Variants in PRUNE1 observed in about 807,000 individuals in gnomAD.
PRUNE1 encodes exopolyphosphatase PRUNE1.
PRUNE1 carries 25 observed loss-of-function variants against 42.5 expected under a neutral mutation model. That is an observed-to-expected ratio of 0.59 (90% CI 0.43 to 0.82). The LOEUF is 0.82. Ranked by LOEUF, PRUNE1 falls within the 40% of genes least tolerant of loss-of-function variation. The pLI, the probability that PRUNE1 is intolerant of heterozygous loss-of-function variation, is 0.00. For missense variants in PRUNE1, 443 were observed against 539.3 expected (o/e 0.82, Z 1.77); for synonymous variants, 203 against 217.1 (o/e 0.93, Z 0.57).
In PRUNE1 at chr1:151,033,818, C is replaced by G. The variant is rs771734072; in HGVS notation, c.946C>G (p.Leu316Val). Residue 316 changes from leucine to valine, a missense_variant, in exon 8 of 8, where the codon CTG becomes GTG. Leu to Val is a conservative substitution (Grantham distance 32, BLOSUM62 1). Coordinates refer to ENST00000271620, the MANE Select transcript of PRUNE1 (RefSeq NM_021222.3). The part of the protein sequence containing the change: ...VALQTTICEV[L>V]ERSHSPPLKL... ...GTCTCCTCTTTAGATCTGTGAAGTC[C>G]TGGAACGCTCCCACTCTCCACCCCT... 12 of 1,613,558 alleles carry G rather than the reference C, an allele frequency of 7.4e-6. No individual in the cohort carries two copies. The East Asian group carries it at 2.7e-4, about 36-fold the overall frequency.
intron 3 of PRUNE1, among the ~76,000 whole-genome samples, chr1:151,023,455 C>T (rs1674604034): frequency 6.6e-6 from 1 of 152,182 alleles, no homozygotes; most frequent in Non-Finnish European, 1.5e-5. Context: ...CGCGGTGGCT[C>T]ATGCCTGTAA....
rs148537694 is a variant in PRUNE1 at position 151,011,088 on chromosome 1, G to A, written c.39+2417G>A. 3.7e-4 allele frequency among the ~76,000 whole-genome samples: 57 copies of A among 152,216 alleles called. No homozygotes were observed. The East Asian group carries it at 0.011, about 28-fold the overall frequency. ...TCCATCCAGTTCTCCAGAGGACACC[G>A]TTAAGTTTCTTGTGTAAAGAGAGAG... On this transcript the variant is annotated intron_variant, in intron 1 of 7. Coordinates refer to ENST00000271620, the MANE Select transcript of PRUNE1 (RefSeq NM_021222.3).
In PRUNE1 at chr1:151,035,510, C is replaced by G. The variant is rs1675506635; in HGVS notation, c.*1276C>G. The G allele has an allele frequency of 6.6e-6, 1 of 152,504 alleles. No homozygotes were observed. The highest frequency in any genetic ancestry group is 2.1e-4 in the South Asian group (1 of 4,826). 9.4% of individuals were successfully genotyped at this position (152,504 alleles called of 1,614,324 possible). On this transcript the variant is annotated 3_prime_UTR_variant, in exon 8 of 8. Transcript: ENST00000271620. Reference sequence around the variant, plus strand: ...GTTCCATGTAAGTTGCCAACAGTTTCACTGAACAGTGGGGTATGTGATGGT... The same window carrying G: ...GTTCCATGTAAGTTGCCAACAGTTTGACTGAACAGTGGGGTATGTGATGGT...
intron 1 of PRUNE1, among the ~76,000 whole-genome samples, chr1:151,014,046 C>T (rs80279490): frequency 0.019 from 2,950 of 151,620 alleles, 75 homozygotes; most frequent in South Asian, 0.1. Context: ...GTGGCACGAT[C>T]TTGGCTCACT....
Position 151,008,561 on chromosome 1 carries a change from G to A in PRUNE1, c.-72G>A. 6.3e-7 allele frequency: 1 copy of A among 1,581,024 alleles called. No individual in the cohort carries two copies. The highest frequency in any genetic ancestry group is 1.1e-5 in the South Asian group (1 of 90,376). On this transcript the variant is annotated 5_prime_UTR_variant, in exon 1 of 8. Transcript: ENST00000271620. Reference sequence around the variant, plus strand: ...CCTGAGTCCCGGGCGGGCTGCATTCGTCGGGGAAACCTCTCCTCGACCAGG... The same window carrying A: ...CCTGAGTCCCGGGCGGGCTGCATTCATCGGGGAAACCTCTCCTCGACCAGG...
chr1:151,016,544 C>T (rs1674112314), intron 1 of PRUNE1, among the ~76,000 whole-genome samples: 1 of 151,934 alleles, frequency 6.6e-6, no homozygotes, highest in African/African-American at 2.4e-5. Flanking sequence ...TCTTGTTGCC[C>T]AGGCTGGAGT....
At chr1:151,019,418 C>T (rs1221212866) in intron 3 of PRUNE1, among the ~76,000 whole-genome samples, 2 of 151,616 alleles carry the variant, frequency 1.3e-5, no homozygotes, top group Non-Finnish European at 2.9e-5. Flanking sequence ...AAATTAGGCA[C>T]GGTGGTGCAT....
intron 3 of PRUNE1, among the ~76,000 whole-genome samples, chr1:151,021,829 T>C (rs1310497000): frequency 6.6e-6 from 1 of 151,448 alleles, no homozygotes; most frequent in Non-Finnish European, 1.5e-5. Context: ...TTTGTGTGTG[T>C]GTGTGTGTGT....
intron 6 of PRUNE1, among the ~76,000 whole-genome samples, chr1:151,028,235 A>T (rs1553254162): frequency 6.6e-6 from 1 of 151,834 alleles, no homozygotes; most frequent in Non-Finnish European, 1.5e-5. Context: ...TTATGTATGT[A>T]TGTTTGTTTG....
At chr1:151,013,458 C>A (rs1673906760) in intron 1 of PRUNE1, among the ~76,000 whole-genome samples, 1 of 152,212 alleles carries the variant, frequency 6.6e-6, no homozygotes, top group African/African-American at 2.4e-5. Flanking sequence ...GACTTCAGAA[C>A]CATACCACTG....
At chr1:151,032,320 C>G (rs1462896153) in intron 7 of PRUNE1, among the ~76,000 whole-genome samples, 2 of 151,752 alleles carry the variant, frequency 1.3e-5, no homozygotes, top group Non-Finnish European at 2.9e-5. Context: ...GAGGCTGAAG[C>G]AGGAGGATTG....
intron 1 of PRUNE1, among the ~76,000 whole-genome samples, chr1:151,013,170 A>G (rs1673883385): frequency 6.6e-6 from 1 of 152,242 alleles, no homozygotes; most frequent in Admixed American, 6.5e-5. Flanking sequence ...CTTTTCAAAT[A>G]GTAGTTCTGC....
intron 7 of PRUNE1, among the ~76,000 whole-genome samples, chr1:151,033,108 G>A (rs1257035655): frequency 1.5e-5 from 2 of 133,826 alleles, no homozygotes; most frequent in Middle Eastern, 5.8e-3. Flanking sequence ...TTTTTGAGAC[G>A]GAGTTTCGCT....
intron 7 of PRUNE1, 116 bp from the exon 8 acceptor site, chr1:151,033,690 C>T (rs1455872646): frequency 7.5e-6 from 8 of 1,063,442 alleles, no homozygotes; most frequent in African/African-American, 6.4e-5. Flanking sequence ...GCACCCCGCC[C>T]GGCCGACTTA....
At chr1:151,027,747 AGTGTGTGTGT>A (rs3034003) in intron 6 of PRUNE1, among the ~76,000 whole-genome samples, 43 of 130,944 alleles carry the variant, frequency 3.3e-4, no homozygotes, top group African/African-American at 9.0e-4. Flanking sequence ...ACACCTAACT[AGTGTGTGTGT>A]GTGTGTGTGT....
Position 151,024,652 on chromosome 1 carries a change from A to ACCATCGAC in PRUNE1, c.385_392dup (p.Glu131AspfsTer25). 2 of 1,613,376 alleles carry ACCATCGAC rather than the reference A, an allele frequency of 1.2e-6. No individual in the cohort carries two copies. The highest frequency in any genetic ancestry group is 1.7e-6 in the Non-Finnish European group (2 of 1,179,318). On this transcript the variant is annotated frameshift_variant, in exon 4 of 8. Transcript: ENST00000271620. LOFTEE classifies it high-confidence loss of function. Reference sequence around the variant, plus strand: ...GAGGAGGCAGTAGCAGAGGTGCTAGACCATCGACCCATCGAGCCGAAACAC... The same window carrying ACCATCGAC: ...GAGGAGGCAGTAGCAGAGGTGCTAGACCATCGACCCATCGACCCATCGAGCCGAAACAC...
At chr1:151,018,214 G>A (rs890731408) in intron 2 of PRUNE1, 17 of 680,742 alleles carry the variant, frequency 2.5e-5, no homozygotes, top group East Asian at 1.8e-4. Context: ...AGTTCTTGAG[G>A]ACTAAAAATT....
chr1:151,034,138 T>G lies in PRUNE1; in HGVS notation c.1266T>G (p.Asp422Glu). The G allele has an allele frequency of 6.2e-7, 1 of 1,614,150 alleles. No homozygotes were observed. The highest frequency in any genetic ancestry group is 1.1e-5 in the South Asian group (1 of 91,080). Reference protein sequence around the residue: ...MNSLVDECPLDQGLPKLSAEA... With the variant: ...MNSLVDECPLEQGLPKLSAEA... ...GCTTGGTGGATGAGTGCCCTCTAGA[T>G]CAGGGGCTGCCTAAACTCTCTGCTG... Residue 422 changes from aspartate to glutamate, a missense_variant, in exon 8 of 8, where the codon GAT becomes GAG. Asp to Glu is a conservative substitution (Grantham distance 45). Transcript: ENST00000271620.
At chr1:151,017,170 A>G (rs2102907077) in intron 1 of PRUNE1, among the ~76,000 whole-genome samples, 1 of 152,116 alleles carries the variant, frequency 6.6e-6, no homozygotes, top group South Asian at 2.1e-4. Flanking sequence ...CAGGGTTGAT[A>G]TGCCCAAGAG....
Sources: allele counts gnomAD v4.1 joint callset (sites outside exome capture counted in the v4.1 genomes callset), GRCh38; gene constraint gnomAD v4.1.1; transcripts MANE v1.5; gene names NCBI Gene and HGNC (gene_info 2026-07-23, HGNC 2026-07-21).